Variants in PCDH15 observed in about 807,000 individuals in gnomAD.
PCDH15 encodes protocadherin related 15, also known as protocadherin-15.
Under a neutral mutation model 178.5 loss-of-function variants are expected in PCDH15, and 129 were observed. The observed-to-expected ratio is 0.72, with a 90% CI of 0.63 to 0.84. PCDH15 has a LOEUF of 0.84. PCDH15 is among the 40% of genes least tolerant of loss of function. PCDH15 has a pLI of 0.00. For synonymous variants in PCDH15, 800 were observed against 732.0 expected (o/e 1.09, Z -1.50); for missense variants, 2,230 against 2,099.9 (o/e 1.06, Z -1.21).
chr10:55,601,684 A>C (rs1057136003), intron 2 of PCDH15, among the ~76,000 whole-genome samples: 3 of 152,304 alleles, frequency 2.0e-5, no homozygotes, highest in African/African-American at 7.2e-5. Context: ...TACCAGAGAA[A>C]TTATTAAGGT....
intron 2 of PCDH15, among the ~76,000 whole-genome samples, chr10:54,942,501 T>C (rs1838089833): frequency 6.6e-6 from 1 of 152,094 alleles, no homozygotes; most frequent in South Asian, 2.1e-4. Flanking sequence ...ATAATTTTAA[T>C]AACATGTTTT....
intron 14 of PCDH15, among the ~76,000 whole-genome samples, chr10:54,141,945 A>C (rs955715904): frequency 6.6e-6 from 1 of 152,190 alleles, no homozygotes; most frequent in African/African-American, 2.4e-5. Flanking sequence ...TATAGTATTT[A>C]AGTGAAATGA....
At chr10:54,002,134 A>G (rs760686729) in intron 20 of PCDH15, among the ~76,000 whole-genome samples, 1 of 151,116 alleles carries the variant, frequency 6.6e-6, no homozygotes, top group Non-Finnish European at 1.5e-5. Context: ...GTGTGTGTAT[A>G]TATATATACA....
chr10:54,062,970 A>G (rs1172445432), intron 18 of PCDH15, among the ~76,000 whole-genome samples: 1 of 152,192 alleles, frequency 6.6e-6, no homozygotes, highest in Non-Finnish European at 1.5e-5. Context: ...GTTAATATAT[A>G]TATGGCTAAG....
intron 1 of PCDH15, among the ~76,000 whole-genome samples, chr10:55,299,385 C>T (rs1436804166): frequency 6.6e-6 from 1 of 152,146 alleles, no homozygotes; most frequent in Non-Finnish European, 1.5e-5. Flanking sequence ...ACTCCTCTTG[C>T]AGATGAGAGT....
chr10:54,665,733 A>G (rs1157482842), intron 1 of PCDH15, among the ~76,000 whole-genome samples: 1 of 152,030 alleles, frequency 6.6e-6, no homozygotes, highest in Non-Finnish European at 1.5e-5. Context: ...TATCTAAGAT[A>G]TAAAAGGAGC....
intron 1 of PCDH15, among the ~76,000 whole-genome samples, chr10:55,221,807 T>C (rs2132184934): frequency 6.6e-6 from 1 of 152,138 alleles, no homozygotes; most frequent in East Asian, 1.9e-4. Context: ...TCAAGAAATC[T>C]AGACTATTTC....
chr10:55,155,650 C>A (rs889102981), intron 2 of PCDH15, among the ~76,000 whole-genome samples: 1 of 151,950 alleles, frequency 6.6e-6, no homozygotes, highest in Admixed American at 6.6e-5. Flanking sequence ...ATATTTTTAA[C>A]AACCATCCTT....
intron 9 of PCDH15, among the ~76,000 whole-genome samples, chr10:54,230,784 T>C (rs1591313084): frequency 6.6e-6 from 1 of 152,236 alleles, no homozygotes; most frequent in Non-Finnish European, 1.5e-5. Context: ...AAAATACTGT[T>C]AGCAATATTA....
intron 2 of PCDH15, among the ~76,000 whole-genome samples, chr10:55,560,739 A>G (rs903622748): frequency 1.3e-5 from 2 of 151,988 alleles, no homozygotes; most frequent in South Asian, 2.1e-4. Flanking sequence ...TCCACTTTCA[A>G]GTCCTGTGAC....
At chr10:54,783,776 CA>C (rs1176603997) in intron 1 of PCDH15, among the ~76,000 whole-genome samples, 1 of 152,052 alleles carries the variant, frequency 6.6e-6, no homozygotes, top group African/African-American at 2.4e-5. Flanking sequence ...ATAAGAGAGA[CA>C]AAAAGCCACA....
intron 5 of PCDH15, among the ~76,000 whole-genome samples, chr10:54,358,476 A>C (rs12776978): frequency 0.12 from 17,852 of 152,004 alleles, 1,852 homozygotes; most frequent in African/African-American, 0.28. Context: ...CATCTCACAC[A>C]AGTTAGAATG....
rs184807198 is a variant in PCDH15, at chr10:54,535,806, A to G, written c.92-7929T>C. On this transcript the variant is annotated intron_variant, in intron 2 of 37. Transcript: ENST00000644397. ...TAAATTGTCAGTAGAAGGCTGCTCC[A>G]AAGATGAAGTATATAATTTTAAGAT... Among the ~76,000 whole-genome samples, 4 of 152,010 alleles carry G rather than the reference A, an allele frequency of 2.6e-5. No individual in the cohort carries two copies. The East Asian group carries it at 7.7e-4, about 29-fold the overall frequency.
At chr10:54,755,242 T>C (rs1946916311) in intron 1 of PCDH15, among the ~76,000 whole-genome samples, 1 of 152,240 alleles carries the variant, frequency 6.6e-6, no homozygotes, top group African/African-American at 2.4e-5. Flanking sequence ...AGGTTTCCCT[T>C]TATGCAGAAA....
intron 2 of PCDH15, among the ~76,000 whole-genome samples, chr10:54,928,324 C>T (rs1435167320): frequency 2.0e-5 from 3 of 152,116 alleles, no homozygotes; most frequent in African/African-American, 7.2e-5. Flanking sequence ...GTCTGATGAG[C>T]TTCCCTTTGT....
chr10:54,312,191 A>T lies in PCDH15; in HGVS notation c.876+5080T>A, dbSNP rs185166905. On this transcript the variant is annotated intron_variant, in intron 8 of 37. Coordinates refer to ENST00000644397, the MANE Select transcript of PCDH15 (RefSeq NM_001384140.1). ...AATTTTAGCAGAATATATAAAGGAA[A>T]ATAGAAAAAGAGACAATCAAAAAGA... Among the ~76,000 whole-genome samples the T allele has an allele frequency of 1.7e-3, 254 of 152,234 alleles. 1 individual carries two copies. Among genetic ancestry groups the T allele is most frequent in the Middle Eastern group, 3.4e-3 (1 of 294 alleles).
At chr10:55,030,104 A>G (rs1434212756) in intron 2 of PCDH15, among the ~76,000 whole-genome samples, 1 of 152,192 alleles carries the variant, frequency 6.6e-6, no homozygotes, top group Non-Finnish European at 1.5e-5. Flanking sequence ...TTAAGATTTT[A>G]TAATGTTTTG....
chr10:54,773,801 C>T (rs1212853529), intron 1 of PCDH15, among the ~76,000 whole-genome samples: 1 of 151,738 alleles, frequency 6.6e-6, no homozygotes, highest in Admixed American at 6.6e-5. Context: ...TTCTAAAATA[C>T]CAAGAAAATA....
intron 21 of PCDH15, among the ~76,000 whole-genome samples, chr10:53,985,165 A>C (rs918593030): frequency 1.3e-5 from 2 of 152,298 alleles, no homozygotes; most frequent in African/African-American, 4.8e-5. Context: ...TTGTTTACTA[A>C]GAATTGTTTT....
Sources: allele counts gnomAD v4.1 joint callset (sites outside exome capture counted in the v4.1 genomes callset), GRCh38; gene constraint gnomAD v4.1.1; transcripts MANE v1.5; gene names NCBI Gene and HGNC (gene_info 2026-07-23, HGNC 2026-07-21).